ANO2: variants seen among roughly 807,000 people sequenced by gnomAD.
The protein encoded by ANO2 is anoctamin 2.
In ANO2, 101 loss-of-function variants were observed where a neutral mutation model predicts 124.2. The ratio of observed to expected loss-of-function variants is 0.81; its 90% CI spans 0.69 to 0.96. ANO2 has a LOEUF of 0.96. ANO2 is among the 40% of genes least tolerant of loss of function. ANO2 has a pLI of 0.00. For missense variants in ANO2, 1,293 were observed against 1,274.5 expected (o/e 1.01, Z -0.22); for synonymous variants, 486 against 482.5 (o/e 1.01, Z -0.09).
At position 5,720,976 on chromosome 12, in the gene ANO2, C is replaced by T. The variant is rs771712282; in HGVS notation, c.1545+11544G>A. On this transcript the variant is annotated intron_variant, in intron 14 of 24. Transcript: ENST00000682330. ...TGGCCTGGGCCACCCGAGGAGTCTA[C>T]TTGGGATGCGTAATTCACAGGCTCC... Among the ~76,000 whole-genome samples, 128 of 152,314 alleles carry T rather than the reference C, an allele frequency of 8.4e-4. 2 individuals are homozygous for T. Among genetic ancestry groups the T allele is most frequent in the Non-Finnish European group, 1.9e-4 (13 of 68,030 alleles).
chr12:5,944,100 G>C (rs150686501), intron 1 of ANO2, among the ~76,000 whole-genome samples: 1 of 152,208 alleles, frequency 6.6e-6, no homozygotes, highest in Non-Finnish European at 1.5e-5. Context: ...CGGAAATGAC[G>C]GGTGCACGTT....
intron 9 of ANO2, among the ~76,000 whole-genome samples, chr12:5,805,124 G>T (rs528097930): frequency 6.6e-6 from 1 of 152,128 alleles, no homozygotes; most frequent in Admixed American, 6.5e-5. Flanking sequence ...GCAGAGAGGG[G>T]ACATGTGTAA....
At chr12:5,806,242 G>T in intron 8 of ANO2, 149 bp from the exon 9 acceptor site, 1 of 769,970 alleles carries the variant, frequency 1.3e-6, no homozygotes. Context: ...ATGGTAAGGG[G>T]CTGATATTCC....
intron 23 of ANO2, among the ~76,000 whole-genome samples, chr12:5,571,186 T>A (rs778522424): frequency 6.6e-6 from 1 of 152,242 alleles, no homozygotes; most frequent in Admixed American, 6.5e-5. Flanking sequence ...CTTCGAGCTC[T>A]GAGACAAGAT....
intron 11 of ANO2, among the ~76,000 whole-genome samples, chr12:5,747,936 G>A (rs1951318616): frequency 6.6e-6 from 1 of 152,250 alleles, no homozygotes; most frequent in Non-Finnish European, 1.5e-5. Context: ...CCCTGCACAT[G>A]CAAGAATGTG....
intron 3 of ANO2, among the ~76,000 whole-genome samples, chr12:5,873,673 T>C (rs1440591797): frequency 6.6e-6 from 1 of 152,188 alleles, no homozygotes; most frequent in Non-Finnish European, 1.5e-5. Flanking sequence ...AAATGAGGTG[T>C]TTCTGTCAAT....
intron 7 of ANO2, among the ~76,000 whole-genome samples, chr12:5,811,811 C>T (rs1395734408): frequency 6.6e-6 from 1 of 152,192 alleles, no homozygotes; most frequent in Non-Finnish European, 1.5e-5. Context: ...AGTACCCAAA[C>T]TCACAAATAT....
intron 1 of ANO2, among the ~76,000 whole-genome samples, chr12:5,941,178 G>A (rs990573870): frequency 1.3e-5 from 2 of 152,110 alleles, no homozygotes; most frequent in African/African-American, 2.4e-5. Context: ...ACTAGATTGC[G>A]GTGATGGTTG....
intron 3 of ANO2, among the ~76,000 whole-genome samples, chr12:5,861,812 A>C (rs1293424375): frequency 6.6e-6 from 1 of 152,176 alleles, no homozygotes; most frequent in Non-Finnish European, 1.5e-5. Context: ...CCACACTCTC[A>C]GATCATCAAG....
At chr12:5,893,972 T>C (rs985905976) in intron 3 of ANO2, among the ~76,000 whole-genome samples, 5 of 152,146 alleles carry the variant, frequency 3.3e-5, no homozygotes, top group Non-Finnish European at 5.9e-5. Flanking sequence ...GTCTTTATAG[T>C]AGAACAATTT....
At position 5,685,568 on chromosome 12, in the gene ANO2, G is replaced by C. The variant is rs115149936; in HGVS notation, c.1546-37767C>G. Among the ~76,000 whole-genome samples, 494 of 152,312 alleles carry C rather than the reference G, an allele frequency of 3.2e-3. 1 individual carries two copies. Among genetic ancestry groups the C allele is most frequent in the African/African-American group, 0.011 (470 of 41,564 alleles). On this transcript the variant is annotated intron_variant, in intron 14 of 24. Coordinates refer to ENST00000682330, the MANE Select transcript of ANO2 (RefSeq NM_001364791.2). ...GGAGGCAGAGGCTGGTAGATCAGTT[G>C]AGCCCAGGAGTTTAAGACCAGCCCG...
chr12:5,917,560 TTTTTC>T (rs1425687973), intron 3 of ANO2, among the ~76,000 whole-genome samples: 3 of 109,878 alleles, frequency 2.7e-5, no homozygotes, highest in Non-Finnish European at 2.3e-5. Context: ...ATTATTCTCT[TTTTTC>T]TTTTTTTTTT....
chr12:5,637,989 G>A (rs1946111253), intron 15 of ANO2, among the ~76,000 whole-genome samples: 2 of 152,108 alleles, frequency 1.3e-5, no homozygotes, highest in South Asian at 4.2e-4. Flanking sequence ...GGACTACAAT[G>A]CTACTCTTCT....
chr12:5,662,144 G>A (rs1482026391), intron 14 of ANO2, among the ~76,000 whole-genome samples: 2 of 152,268 alleles, frequency 1.3e-5, no homozygotes, highest in African/African-American at 2.4e-5. Flanking sequence ...AGAAGGGCAA[G>A]AACTGAAGGT....
At chr12:5,566,985 A>G (rs1941802077) in intron 23 of ANO2, among the ~76,000 whole-genome samples, 1 of 152,238 alleles carries the variant, frequency 6.6e-6, no homozygotes, top group Admixed American at 6.5e-5. Flanking sequence ...TCCATTGTCC[A>G]AAGAGAGATG....
chr12:5,777,691 C>T (rs546974899), intron 10 of ANO2, among the ~76,000 whole-genome samples: 2 of 152,202 alleles, frequency 1.3e-5, no homozygotes, highest in South Asian at 2.1e-4. Context: ...AACAAAAGAA[C>T]GGCCAGGGAC....
intron 4 of ANO2, among the ~76,000 whole-genome samples, chr12:5,850,109 C>T (rs1421005357): frequency 6.6e-6 from 1 of 152,154 alleles, no homozygotes; most frequent in Non-Finnish European, 1.5e-5. Flanking sequence ...AAGCCATTGC[C>T]TTCTATGATA....
chr12:5,868,083 A>C (rs1326971433), intron 3 of ANO2, among the ~76,000 whole-genome samples: 1 of 152,230 alleles, frequency 6.6e-6, no homozygotes, highest in African/African-American at 2.4e-5. Context: ...TTTGTTACAC[A>C]AAGGATAAAT....
chr12:5,765,856 C>T (rs995337844), intron 10 of ANO2, among the ~76,000 whole-genome samples: 1 of 152,166 alleles, frequency 6.6e-6, no homozygotes, highest in Admixed American at 6.5e-5. Context: ...AGAACTTCTA[C>T]ATGTTGCTAA....
Sources: allele counts gnomAD v4.1 joint callset (sites outside exome capture counted in the v4.1 genomes callset), GRCh38; gene constraint gnomAD v4.1.1; transcripts MANE v1.5; gene names NCBI Gene and HGNC (gene_info 2026-07-23, HGNC 2026-07-21).